Variants in PLCE1 observed in about 807,000 individuals in gnomAD.
PLCE1 encodes phospholipase C epsilon 1.
PLCE1 carries 119 observed loss-of-function variants against 242.8 expected under a neutral mutation model. The observed-to-expected ratio is 0.49, with a 90% CI of 0.42 to 0.57. The LOEUF is 0.57. Ranked by LOEUF, PLCE1 falls within the 20% of genes least tolerant of loss-of-function variation. The probability of loss-of-function intolerance (pLI) is 0.00; values close to 1 mark genes in which losing one functional copy is unlikely to be tolerated. For synonymous variants in PLCE1, 945 were observed against 1,017.4 expected (o/e 0.93, Z 1.35); for missense variants, 2,441 against 2,788.8 (o/e 0.88, Z 2.81).
chr10:94,279,973 T>G (rs2052136676), intron 20 of PLCE1, 62 bp downstream of exon 20: 1 of 1,568,030 alleles, frequency 6.4e-7, no homozygotes, highest in African/African-American at 1.3e-5. Context: ...GCCACATTTT[T>G]CTTTCTAAAA....
At chr10:94,154,390 T>C (rs991560058) in intron 3 of PLCE1, among the ~76,000 whole-genome samples, 5 of 152,136 alleles carry the variant, frequency 3.3e-5, no homozygotes, top group African/African-American at 1.2e-4. Flanking sequence ...GAGGAAAAGC[T>C]TCACGACATT....
At chr10:94,020,671 A>AT (rs944220336) in intron 1 of PLCE1, among the ~76,000 whole-genome samples, 6 of 150,118 alleles carry the variant, frequency 4.0e-5, no homozygotes, top group African/African-American at 7.4e-5. Context: ...GTTGAGGTTC[A>AT]TTTTTTTTCA....
At chr10:94,220,967 T>A (rs1164223975) in intron 4 of PLCE1, among the ~76,000 whole-genome samples, 2 of 152,090 alleles carry the variant, frequency 1.3e-5, no homozygotes, top group Admixed American at 1.3e-4. Flanking sequence ...TCCAAATGGG[T>A]TACAGTCTCA....
intron 3 of PLCE1, among the ~76,000 whole-genome samples, chr10:94,149,090 T>C (rs777130915): frequency 4.6e-5 from 7 of 152,128 alleles, no homozygotes; most frequent in African/African-American, 1.2e-4. Context: ...AAAAATGAAA[T>C]GTAATGAAAA....
chr10:94,037,503 T>C (rs954520762), intron 2 of PLCE1, among the ~76,000 whole-genome samples: 1 of 152,182 alleles, frequency 6.6e-6, no homozygotes, highest in African/African-American at 2.4e-5. Flanking sequence ...GTGGGGTGCT[T>C]AGGCTTAGCT....
chr10:94,204,700 AAAGGAAGGAAGAAAAG>A (rs2049090688), intron 4 of PLCE1, among the ~76,000 whole-genome samples: 1 of 150,660 alleles, frequency 6.6e-6, no homozygotes, highest in Admixed American at 6.6e-5. Flanking sequence ...AGGAAGAAAG[AAAGGAAGGAAGAAAAG>A]AAGGAAGGAA....
At chr10:94,181,890 C>T (rs2048323625) in intron 4 of PLCE1, among the ~76,000 whole-genome samples, 1 of 152,142 alleles carries the variant, frequency 6.6e-6, no homozygotes, top group African/African-American at 2.4e-5. Context: ...ATACTCCAGT[C>T]TGAATGATAG....
chr10:94,104,657 C>T (rs2135531845), intron 2 of PLCE1: 1 of 152,274 alleles, frequency 6.6e-6, no homozygotes, highest in Non-Finnish European at 1.5e-5. Flanking sequence ...TTGAAATACC[C>T]ACAAATTCAG....
Position 94,293,534 on chromosome 10 carries a change from T to C in PLCE1, c.5062T>C (p.Ser1688Pro). 1 of 1,613,814 alleles carries C rather than the reference T, an allele frequency of 6.2e-7. No homozygotes were observed. Among genetic ancestry groups the C allele is most frequent in the African/African-American group, 1.3e-5 (1 of 75,048 alleles). Residue 1688 changes from serine to proline, a missense_variant, in exon 23 of 33, where the codon TCT becomes CCT. Physicochemically the swap from Ser to Pro is moderately conservative, Grantham distance 74 (BLOSUM62 -1). Transcript: ENST00000371380. ...PGLSTLNASG[S>P]SRGKERKSRK... is the part of the protein sequence containing the mutation. The stretch of plus-strand genomic sequence containing the variant: ...ACTGTCAACTCTAAATGCATCTGGC[T>C]CTAGCAGAGGAAAAGAAAGGAAAAG...
At chr10:94,158,636 T>G (rs550475216) in intron 3 of PLCE1, among the ~76,000 whole-genome samples, 1 of 152,052 alleles carries the variant, frequency 6.6e-6, no homozygotes, top group Non-Finnish European at 1.5e-5. Flanking sequence ...GTTGTAAATA[T>G]AAGAGCCATC....
At chr10:94,192,797 A>T (rs543172803) in intron 4 of PLCE1, among the ~76,000 whole-genome samples, 2 of 152,316 alleles carry the variant, frequency 1.3e-5, no homozygotes, top group South Asian at 4.1e-4. Context: ...ATTCTCACCA[A>T]CAATGCAGTG....
At chr10:94,062,209 G>T (rs2044072814) in intron 2 of PLCE1, among the ~76,000 whole-genome samples, 1 of 152,176 alleles carries the variant, frequency 6.6e-6, no homozygotes, top group Non-Finnish European at 1.5e-5. Flanking sequence ...TCTCTTACTT[G>T]TGAGCTGACT....
chr10:94,046,626 CT>C (rs1269634668), intron 2 of PLCE1, among the ~76,000 whole-genome samples: 1 of 152,228 alleles, frequency 6.6e-6, no homozygotes, highest in Non-Finnish European at 1.5e-5. Context: ...ATGCCAAACA[CT>C]ATTTCTGACC....
At chr10:94,001,763 A>G (rs1281104554) in intron 1 of PLCE1, among the ~76,000 whole-genome samples, 2 of 152,244 alleles carry the variant, frequency 1.3e-5, no homozygotes, top group African/African-American at 2.4e-5. Context: ...CTCAGATTTC[A>G]TTGATTCAGC....
chr10:94,027,037 A>G (rs771440053), intron 1 of PLCE1, among the ~76,000 whole-genome samples: 16 of 152,150 alleles, frequency 1.1e-4, no homozygotes, highest in Non-Finnish European at 2.2e-4. Flanking sequence ...TAAAATTTTT[A>G]CCTGAGATAC....
rs1439001883 is a variant in PLCE1 at position 94,175,370 on chromosome 10, C to T, written c.1809+3874C>T. 6.2e-5 allele frequency among the ~76,000 whole-genome samples: 4 copies of T among 64,024 alleles called. No individual in the cohort carries two copies. In the East Asian group the frequency reaches 2.3e-3, roughly 37 times the overall value. The allele number at this position is 64,024 out of a possible 152,430, so 42.0% of individuals were successfully genotyped here. On this transcript the variant is annotated intron_variant, in intron 4 of 32. Transcript: ENST00000371380. ...CATTATCTAGGTTCCTGCCATTACT[C>T]CCTCATTCATTCATTCATTCATTCA... is the stretch of plus-strand genomic sequence containing the variant.
At chr10:94,157,700 G>A (rs546496252) in intron 3 of PLCE1, among the ~76,000 whole-genome samples, 30 of 152,334 alleles carry the variant, frequency 2.0e-4, no homozygotes, top group East Asian at 7.7e-4. Context: ...TGTGTAAAGT[G>A]TGGAAAATTC....
At chr10:94,087,273 C>T (rs1333334816) in intron 2 of PLCE1, among the ~76,000 whole-genome samples, 4 of 148,042 alleles carry the variant, frequency 2.7e-5, no homozygotes, top group African/African-American at 1.0e-4. Flanking sequence ...TCACTTGAGC[C>T]TGGGAGATCG....
At chr10:94,300,775 A>G (rs1271516178) in intron 24 of PLCE1, among the ~76,000 whole-genome samples, 3 of 152,188 alleles carry the variant, frequency 2.0e-5, no homozygotes, top group African/African-American at 7.2e-5. Flanking sequence ...AAACAGATAG[A>G]TAAGGCCAGG....
Sources: gnomAD v4.1 joint callset for allele counts (sites outside exome capture counted in the v4.1 genomes callset) on GRCh38, gnomAD v4.1.1 for gene constraint, MANE v1.5 for transcripts, NCBI Gene and HGNC (gene_info 2026-07-23, HGNC 2026-07-21) for gene names.